Variants in IL1RAPL2 observed in about 807,000 individuals in gnomAD.
The protein encoded by IL1RAPL2 is interleukin 1 receptor accessory protein like 2, also known as X-linked interleukin-1 receptor accessory protein-like 2.
IL1RAPL2 carries 3 observed loss-of-function variants against 44.1 expected under a neutral mutation model. The observed-to-expected ratio is 0.07, with a 90% confidence interval of 0.03 to 0.18. The LOEUF (loss-of-function observed/expected upper bound fraction) is 0.18, where lower values mean the gene tolerates loss of function less well. IL1RAPL2 is among the 10% of genes least tolerant of loss of function. The pLI is 1.00. For synonymous variants in IL1RAPL2, 181 were observed against 178.8 expected (o/e 1.01, Z -0.10); for missense variants, 391 against 496.4 (o/e 0.79, Z 2.02).
intron 2 of IL1RAPL2, among the ~76,000 whole-genome samples, chrX:104,942,883 T>C (rs1925225268): frequency 8.9e-6 from 1 of 111,747 alleles, no homozygotes; most frequent in African/African-American, 3.3e-5. Flanking sequence ...ATACCTAGTT[T>C]ATTGAGAGTT....
intron 6 of IL1RAPL2, among the ~76,000 whole-genome samples, chrX:105,707,499 T>G (rs1404017397): frequency 8.9e-6 from 1 of 112,103 alleles, no homozygotes; most frequent in Non-Finnish European, 1.9e-5. Flanking sequence ...AAATATAAGA[T>G]ATGGTTTCCA....
At chrX:105,658,520 CACAAGCATCA>C (rs2147846154) in intron 6 of IL1RAPL2, among the ~76,000 whole-genome samples, 1 of 111,791 alleles carries the variant, frequency 8.9e-6, no homozygotes, top group East Asian at 2.8e-4. Flanking sequence ...GACTAACATC[CACAAGCATCA>C]AGAACCCCCA....
chrX:105,729,904 GGAA>G (rs2038388535), intron 7 of IL1RAPL2, among the ~76,000 whole-genome samples: 4 of 81,558 alleles, frequency 4.9e-5, no homozygotes, highest in African/African-American at 2.1e-4. Flanking sequence ...AAGGAAGGAA[GGAA>G]GGAAGGAAGG....
chrX:104,879,308 GCAAA>G (rs1188480900), intron 2 of IL1RAPL2, among the ~76,000 whole-genome samples: 1 of 78,540 alleles, frequency 1.3e-5, no homozygotes, highest in African/African-American at 4.9e-5. Flanking sequence ...TAAAAAGCAA[GCAAA>G]CAAACAAAAA....
chrX:105,433,156 G>T (rs746791875), intron 5 of IL1RAPL2, among the ~76,000 whole-genome samples: 3 of 110,538 alleles, frequency 2.7e-5, no homozygotes, highest in South Asian at 7.7e-4. Flanking sequence ...GACACACATG[G>T]CTATTATTGA....
In IL1RAPL2 at chrX:104,746,662, C is replaced by G. The variant is rs758088200; in HGVS notation, c.82+87667C>G. Among the ~76,000 whole-genome samples, 5 of 110,730 alleles carry G rather than the reference C, an allele frequency of 4.5e-5. No individual in the cohort carries two copies. In the East Asian group the frequency reaches 1.1e-3, roughly 25 times the overall value. Reference sequence around the variant, plus strand: ...ATTGTTCTTTAAAATTGAACATAATCCCATCTTCATTCATAGCAGGACTAA... The same window carrying G: ...ATTGTTCTTTAAAATTGAACATAATGCCATCTTCATTCATAGCAGGACTAA... On this transcript the variant is annotated intron_variant, in intron 2 of 10. Transcript: ENST00000372582.
intron 5 of IL1RAPL2, among the ~76,000 whole-genome samples, chrX:105,467,748 G>A (rs1321102269): frequency 3.6e-5 from 4 of 111,751 alleles, no homozygotes; most frequent in Admixed American, 9.5e-5. Context: ...AAGACATGTG[G>A]TAAGTGTCAC....
intron 5 of IL1RAPL2, chrX:105,406,770 T>C: frequency 8.4e-7 from 1 of 1,191,911 alleles, no homozygotes; most frequent in Non-Finnish European, 1.1e-6. Flanking sequence ...TTGAGGATCC[T>C]TCTGGTCTTA....
intron 2 of IL1RAPL2, among the ~76,000 whole-genome samples, chrX:104,935,581 T>G (rs969462351): frequency 1.8e-5 from 2 of 112,185 alleles, no homozygotes; most frequent in Non-Finnish European, 3.8e-5. Flanking sequence ...CTTGGGAGAA[T>G]TTGTGACTTC....
At chrX:105,528,178 A>G (rs1470696073) in intron 6 of IL1RAPL2, among the ~76,000 whole-genome samples, 5 of 112,211 alleles carry the variant, frequency 4.5e-5, no homozygotes, top group Admixed American at 1.9e-4. Flanking sequence ...TAATAACAAT[A>G]TAAGTGTTCT....
intron 2 of IL1RAPL2, among the ~76,000 whole-genome samples, chrX:104,715,582 G>A (rs2147560437): frequency 9.2e-6 from 1 of 108,208 alleles, no homozygotes; most frequent in Non-Finnish European, 1.9e-5. Flanking sequence ...CAAAGTCTCA[G>A]GATACAAAAT....
At chrX:104,712,773 C>T (rs1330876125) in intron 2 of IL1RAPL2, among the ~76,000 whole-genome samples, 1 of 110,329 alleles carries the variant, frequency 9.1e-6, no homozygotes, top group Non-Finnish European at 1.9e-5. Flanking sequence ...GTTGGCAAAA[C>T]TTTACTAGCC....
At chrX:105,415,352 G>T (rs766342790) in intron 5 of IL1RAPL2, among the ~76,000 whole-genome samples, 1 of 111,193 alleles carries the variant, frequency 9.0e-6, no homozygotes, top group South Asian at 3.8e-4. Context: ...AATAGGAATG[G>T]TTATCATATA....
At chrX:104,680,553 G>A (rs1930873430) in intron 2 of IL1RAPL2, among the ~76,000 whole-genome samples, 1 of 110,645 alleles carries the variant, frequency 9.0e-6, no homozygotes, top group Admixed American at 9.6e-5. Flanking sequence ...TTTAAACATA[G>A]AGCCCGAATT....
rs773241926 is a variant in IL1RAPL2 at position 104,611,806 on chromosome X, C to CAGCCTGG, written c.-20+44756_-20+44762dup. On this transcript the variant is annotated intron_variant, in intron 1 of 10. Coordinates refer to ENST00000372582, the MANE Select transcript of IL1RAPL2 (RefSeq NM_017416.2). Reference sequence around the variant, plus strand: ...GAGCCAAGATCGCGCCACTGCACTCCAGCCTGGGCGACAGAGCGAGACTCC... The same window carrying CAGCCTGG: ...GAGCCAAGATCGCGCCACTGCACTCCAGCCTGGAGCCTGGGCGACAGAGCGAGACTCC... Among the ~76,000 whole-genome samples the CAGCCTGG allele has an allele frequency of 9.5e-5, 9 of 94,692 alleles. No individual in the cohort carries two copies. The South Asian group carries it at 4.5e-3, about 47-fold the overall frequency. 82.2% of individuals were successfully genotyped at this position (94,692 alleles called of 115,157 possible).
intron 2 of IL1RAPL2, among the ~76,000 whole-genome samples, chrX:104,663,299 T>A (rs907070993): frequency 1.3e-4 from 15 of 111,934 alleles, no homozygotes; most frequent in Non-Finnish European, 7.5e-5. Context: ...AGAAAGGGAC[T>A]CTTATACCAC....
chrX:105,090,740 T>C (rs1387770172), intron 2 of IL1RAPL2, among the ~76,000 whole-genome samples: 1 of 111,756 alleles, frequency 8.9e-6, no homozygotes, highest in Non-Finnish European at 1.9e-5. Context: ...GGAATGAGAG[T>C]TCTTCTAGCC....
intron 1 of IL1RAPL2, among the ~76,000 whole-genome samples, chrX:104,636,191 C>T (rs772572516): frequency 0.011 from 1,182 of 111,720 alleles, 8 homozygotes; most frequent in Admixed American, 0.019. Context: ...GCTGCCTGGT[C>T]GTTCCTCTGG....
chrX:105,237,125 C>G (rs2034127170), intron 4 of IL1RAPL2, among the ~76,000 whole-genome samples: 1 of 111,665 alleles, frequency 9.0e-6, no homozygotes, highest in Non-Finnish European at 1.9e-5. Context: ...CAATAGTTTG[C>G]TGAGAATGAT....
Sources: gnomAD v4.1 joint callset for allele counts (sites outside exome capture counted in the v4.1 genomes callset) on GRCh38, gnomAD v4.1.1 for gene constraint, MANE v1.5 for transcripts, NCBI Gene and HGNC (gene_info 2026-07-23, HGNC 2026-07-21) for gene names.